The following NFKB1 variants were observed in gnomAD, a reference collection of about 807,000 sequenced individuals.
NFKB1 encodes the protein nuclear factor kappa B subunit 1.
Under a neutral mutation model 105.1 loss-of-function variants are expected in NFKB1, and 9 were observed. The observed-to-expected ratio is 0.09, with a 90% confidence interval of 0.05 to 0.15. The LOEUF is 0.15. Ranked by LOEUF, NFKB1 falls within the 10% of genes least tolerant of loss-of-function variation. The probability of loss-of-function intolerance (pLI) is 1.00; values close to 1 mark genes in which losing one functional copy is unlikely to be tolerated. For missense variants in NFKB1, 830 were observed against 1,203.7 expected (o/e 0.69, Z 4.59); for synonymous variants, 440 against 442.2 (o/e 1.00, Z 0.06).
At chr4:102,563,810 A>G (rs1027282716) in intron 5 of NFKB1, among the ~76,000 whole-genome samples, 1 of 144,286 alleles carries the variant, frequency 6.9e-6, no homozygotes. Flanking sequence ...TTTAACTGAA[A>G]GCTTAACTCT....
chr4:102,613,467 C>T lies in NFKB1; in HGVS notation c.2635C>T (p.Gln879Ter). 6.2e-7 allele frequency: 1 copy of T among 1,613,940 alleles called. No homozygotes were observed. The highest frequency in any genetic ancestry group is 8.5e-7 in the Non-Finnish European group (1 of 1,179,990). ...CAGAGAGCTGGTGGAGGCCCTGAGA[C>T]AAATGGGCTACACCGAAGCAATTGA... ...TVRELVEALR[Q>*]MGYTEAIEVI... Residue 879 changes from glutamine (Q) to a stop codon, truncating the protein, a stop_gained, in exon 23 of 24, where the codon CAA becomes TAA. Coordinates refer to ENST00000226574, the MANE Select transcript of NFKB1 (RefSeq NM_003998.4). LOFTEE classifies it high-confidence loss of function.
In NFKB1 at chr4:102,580,563, T is replaced by C. The variant is rs772076036; in HGVS notation, c.759T>C (p.Ile253=). The C allele has an allele frequency of 1.2e-6, 2 of 1,613,956 alleles. No individual in the cohort carries two copies. The highest frequency in any genetic ancestry group is 2.7e-5 in the African/African-American group (2 of 75,042). ...CCCCCAATGCATCCAACTTGAAAAT[T>C]GTAAGAATGGACAGGACAGCTGGAT... The part of the protein sequence containing the change: ...SKAPNASNLK[I]VRMDRTAGCV... Residue 253 remains isoleucine (I), a synonymous_variant, in exon 9 of 24, where the codon ATT becomes ATC. Coordinates refer to ENST00000226574, the MANE Select transcript of NFKB1 (RefSeq NM_003998.4).
intron 5 of NFKB1, among the ~76,000 whole-genome samples, chr4:102,550,008 A>T (rs149597984): frequency 6.6e-6 from 1 of 151,836 alleles, no homozygotes; most frequent in Non-Finnish European, 1.5e-5. Context: ...TAAATTTGTG[A>T]TTTTTCTATT....
At chr4:102,508,796 G>A (rs181100828) in intron 1 of NFKB1, among the ~76,000 whole-genome samples, 3 of 152,280 alleles carry the variant, frequency 2.0e-5, no homozygotes, top group East Asian at 3.9e-4. Context: ...AGGGGGAAGA[G>A]TCCTCTATAA....
intron 1 of NFKB1, among the ~76,000 whole-genome samples, chr4:102,525,157 C>T (rs780995623): frequency 2.0e-5 from 3 of 152,078 alleles, no homozygotes; most frequent in Non-Finnish European, 4.4e-5. Context: ...GACTGTAAAT[C>T]GTTGAAGTTC....
chr4:102,521,276 C>A (rs577210237), intron 1 of NFKB1, among the ~76,000 whole-genome samples: 102 of 152,210 alleles, frequency 6.7e-4, no homozygotes, highest in African/African-American at 2.2e-3. Context: ...ATTTTGTTTC[C>A]TCCAGAAAAT....
intron 5 of NFKB1, among the ~76,000 whole-genome samples, chr4:102,561,271 T>TG (rs1295254264): frequency 6.5e-4 from 71 of 108,398 alleles, no homozygotes; most frequent in African/African-American, 2.3e-3. Context: ...TTTCCTTTTT[T>TG]TTTTTTTTTT....
rs1448105209 is a variant in NFKB1, at chr4:102,607,585, G to A, written c.2125-64G>A. The A allele has an allele frequency of 5.3e-6, 8 of 1,506,432 alleles. No individual in the cohort carries two copies. The South Asian group carries it at 6.7e-5, about 13-fold the overall frequency. The allele number at this position is 1,506,432 out of a possible 1,614,324, so 93.3% of individuals were successfully genotyped here. ...GGACCCAAGGAGCCATGCACACTGG[G>A]AGGTGGGGACAAAAGGGCAAAAGAA... is the stretch of plus-strand genomic sequence containing the variant. On this transcript the variant is annotated intron_variant, in intron 18 of 23. Coordinates refer to ENST00000226574, the MANE Select transcript of NFKB1 (RefSeq NM_003998.4).
At chr4:102,551,691 A>G (rs1722628103) in intron 5 of NFKB1, among the ~76,000 whole-genome samples, 1 of 152,160 alleles carries the variant, frequency 6.6e-6, no homozygotes, top group Non-Finnish European at 1.5e-5. Context: ...CAACCTGAAG[A>G]GATATTTCTA....
chr4:102,610,638 C>A lies in NFKB1; in HGVS notation c.2291C>A (p.Ala764Glu), dbSNP rs1560720653. The change falls in exon 20 of 24, where the codon GCA becomes GAA. Residue 764 changes from alanine (A) to glutamate (E), a missense_variant. By Grantham distance (107) the Ala-to-Glu change is moderately radical. Coordinates refer to ENST00000226574, the MANE Select transcript of NFKB1 (RefSeq NM_003998.4). ...GACCTGGATGACTCTTGGGAAAATG[C>A]AGGAGAGGATGAAGGAGTTGTGCCT... ...LYDLDDSWEN[A>E]GEDEGVVPGT... The A allele has an allele frequency of 1.2e-6, 2 of 1,614,012 alleles. No homozygotes were observed. Among genetic ancestry groups the A allele is most frequent in the East Asian group, 2.2e-5 (1 of 44,868 alleles).
intron 11 of NFKB1, among the ~76,000 whole-genome samples, chr4:102,588,691 G>A (rs1003662058): frequency 5.9e-5 from 9 of 152,118 alleles, no homozygotes; most frequent in Non-Finnish European, 1.2e-4. Context: ...GTCATCAACT[G>A]TTATGTAAAG....
intron 23 of NFKB1, among the ~76,000 whole-genome samples, chr4:102,614,187 C>A (rs1435631230): frequency 6.6e-6 from 1 of 152,190 alleles, no homozygotes; most frequent in Non-Finnish European, 1.5e-5. Flanking sequence ...AACCCTCTCA[C>A]CTTTGCACCA....
At chr4:102,532,318 A>G (rs1194417033) in intron 3 of NFKB1, among the ~76,000 whole-genome samples, 1 of 152,140 alleles carries the variant, frequency 6.6e-6, no homozygotes, top group African/African-American at 2.4e-5. Context: ...GATTTATCAT[A>G]ATATTGAAAA....
intron 10 of NFKB1, among the ~76,000 whole-genome samples, chr4:102,583,759 A>G (rs1432193642): frequency 2.6e-5 from 4 of 151,068 alleles, no homozygotes; most frequent in Non-Finnish European, 4.4e-5. Context: ...TTATTCTCCT[A>G]TTTACAAGTA....
At chr4:102,553,797 T>G (rs1306328090) in intron 5 of NFKB1, among the ~76,000 whole-genome samples, 3 of 152,188 alleles carry the variant, frequency 2.0e-5, no homozygotes, top group Non-Finnish European at 4.4e-5. Context: ...AGTCTCAGTT[T>G]TAATGACAAA....
chr4:102,567,525 A>T (rs1157521278), intron 6 of NFKB1, among the ~76,000 whole-genome samples: 1 of 152,232 alleles, frequency 6.6e-6, no homozygotes, highest in Non-Finnish European at 1.5e-5. Flanking sequence ...CACTTTATGT[A>T]TATTTTTACA....
At chr4:102,579,313 T>C (rs1411577391) in intron 8 of NFKB1, among the ~76,000 whole-genome samples, 1 of 152,148 alleles carries the variant, frequency 6.6e-6, no homozygotes, top group Non-Finnish European at 1.5e-5. Context: ...ATCTTATTTA[T>C]GAATGTCTTG....
intron 5 of NFKB1, among the ~76,000 whole-genome samples, chr4:102,540,622 A>G (rs1202158409): frequency 1.3e-5 from 2 of 152,216 alleles, no homozygotes; most frequent in Admixed American, 6.5e-5. Flanking sequence ...GTTAGAGAAT[A>G]TGACTATACA....
At chr4:102,533,229 G>A (rs1741415159) in intron 3 of NFKB1, among the ~76,000 whole-genome samples, 1 of 152,026 alleles carries the variant, frequency 6.6e-6, no homozygotes, top group African/African-American at 2.4e-5. Context: ...GTGTCGGGGA[G>A]GAAAGGGGAA....
Sources: gnomAD v4.1 joint callset for allele counts (sites outside exome capture counted in the v4.1 genomes callset) on GRCh38, gnomAD v4.1.1 for gene constraint, MANE v1.5 for transcripts, NCBI Gene and HGNC (gene_info 2026-07-23, HGNC 2026-07-21) for gene names.